Variants in ANKS1A observed in about 807,000 individuals in gnomAD.
The protein encoded by ANKS1A is ankyrin repeat and SAM domain-containing protein 1A.
A neutral mutation model predicts 120.3 loss-of-function variants in ANKS1A; 55 were observed. The observed-to-expected ratio is 0.46, with a 90% confidence interval of 0.37 to 0.57. The LOEUF is 0.57. Ranked by LOEUF, ANKS1A falls within the 20% of genes least tolerant of loss-of-function variation. The pLI, the probability that ANKS1A is intolerant of heterozygous loss-of-function variation, is 0.00. For missense variants in ANKS1A, 1,123 were observed against 1,480.3 expected, an observed-to-expected ratio of 0.76 and a Z score of 3.96; for synonymous variants, 590 against 604.7, an observed-to-expected ratio of 0.98 and a Z score of 0.36.
At chr6:35,023,737 T>C in intron 11 of ANKS1A, 1 of 350,768 alleles carries the variant, frequency 2.9e-6, no homozygotes, top group Non-Finnish European at 5.6e-6. Context: ...AAATTTCTTC[T>C]CCCAGAATAT....
chr6:34,930,392 A>G (rs969398054), intron 1 of ANKS1A, among the ~76,000 whole-genome samples: 8 of 152,194 alleles, frequency 5.3e-5, no homozygotes, highest in African/African-American at 1.2e-4. Flanking sequence ...CGGATTGTCT[A>G]TGTGGTGCTG....
chr6:34,955,348 G>T (rs182557089), intron 1 of ANKS1A, among the ~76,000 whole-genome samples: 138 of 152,152 alleles, frequency 9.1e-4, no homozygotes, highest in African/African-American at 3.2e-3. Flanking sequence ...TGTTGGCCAG[G>T]CTGGTCTCGA....
At chr6:34,975,764 T>C (rs569194792) in intron 3 of ANKS1A, among the ~76,000 whole-genome samples, 2 of 150,294 alleles carry the variant, frequency 1.3e-5, no homozygotes, top group Non-Finnish European at 3.0e-5. Flanking sequence ...AAAAAAAAAA[T>C]AATAATAATA....
At position 35,090,318 on chromosome 6, in the gene ANKS1A, G is replaced by C; in HGVS notation, c.*1709G>C. The C allele has an allele frequency of 7.8e-7, 1 of 1,288,496 alleles. No homozygotes were observed. Among genetic ancestry groups the C allele is most frequent in the Non-Finnish European group, 1.0e-6 (1 of 988,034 alleles). The allele number at this position is 1,288,496 out of a possible 1,614,324, so 79.8% of individuals were successfully genotyped here. ...GACCAGGAACCCTAAAGCATCCAGA[G>C]TAGACTGCGCTGCCACTGCGCACAT... On this transcript the variant is annotated 3_prime_UTR_variant, in exon 24 of 24. Coordinates refer to ENST00000360359, the MANE Select transcript of ANKS1A (RefSeq NM_015245.3).
At chr6:34,984,144 G>C (rs1328580941) in intron 7 of ANKS1A, among the ~76,000 whole-genome samples, 1 of 152,098 alleles carries the variant, frequency 6.6e-6, no homozygotes. Context: ...GGCAAATTTT[G>C]ATAATATATC....
At chr6:34,920,076 GTTTTTGT>G (rs1409358227) in intron 1 of ANKS1A, among the ~76,000 whole-genome samples, 1 of 152,034 alleles carries the variant, frequency 6.6e-6, no homozygotes, top group Non-Finnish European at 1.5e-5. Flanking sequence ...GTTGTTGTTA[GTTTTTGT>G]TTTTTAAGAG....
chr6:35,004,554 A>G (rs868240008), intron 10 of ANKS1A, among the ~76,000 whole-genome samples: 1 of 152,176 alleles, frequency 6.6e-6, no homozygotes, highest in Non-Finnish European at 1.5e-5. Context: ...CAATACAGAA[A>G]TGAATATAAA....
At chr6:34,935,062 C>T (rs1455541443) in intron 1 of ANKS1A, among the ~76,000 whole-genome samples, 1 of 152,146 alleles carries the variant, frequency 6.6e-6, no homozygotes, top group Non-Finnish European at 1.5e-5. Context: ...ACTCTGTTTT[C>T]ATTCTTCTGG....
chr6:35,085,921 C>T lies in ANKS1A; in HGVS notation c.3288C>T (p.Gly1096=), dbSNP rs1222865447. The change falls in exon 22 of 24, where the codon GGC becomes GGT. Residue 1096 remains glycine (G), a synonymous_variant. Transcript: ENST00000360359. This position sits in a 1 kb window ranked among gnomAD's most constrained non-coding sequence, Gnocchi z 4.7. ...SSKPVPKPRV[G]VRKSALEPPD... ...AACCGGTGCCTAAGCCTCGGGTCGGCGTGAGGAAATCCGCAGTACGTGGGC... is the reference window on the plus strand; with the variant it reads ...AACCGGTGCCTAAGCCTCGGGTCGGTGTGAGGAAATCCGCAGTACGTGGGC... The T allele has an allele frequency of 5.0e-6, 8 of 1,607,612 alleles. No individual in the cohort carries two copies. Among genetic ancestry groups the T allele is most frequent in the South Asian group, 1.1e-5 (1 of 90,364 alleles).
At chr6:34,895,904 C>G in intron 1 of ANKS1A, among the ~76,000 whole-genome samples, 1 of 148,526 alleles carries the variant, frequency 6.7e-6, no homozygotes, top group Non-Finnish European at 1.5e-5. Flanking sequence ...ATTCTCCTGT[C>G]TCAGCCTCCC....
At chr6:34,901,050 G>A (rs184392887) in intron 1 of ANKS1A, among the ~76,000 whole-genome samples, 95 of 152,186 alleles carry the variant, frequency 6.2e-4, no homozygotes, top group Middle Eastern at 3.4e-3. Context: ...AATTTAAGTG[G>A]TCCCTGTGCC....
intron 9 of ANKS1A, among the ~76,000 whole-genome samples, chr6:34,990,434 C>T (rs564641802): frequency 4.0e-5 from 6 of 151,540 alleles, no homozygotes; most frequent in South Asian, 4.2e-4. Context: ...TCCAAGTGTA[C>T]GCAGTAAATC....
At position 35,089,013 on chromosome 6, in the gene ANKS1A, C is replaced by T. The variant is rs957288674; in HGVS notation, c.*404C>T. 1.8e-6 allele frequency: 2 copies of T among 1,142,570 alleles called. No homozygotes were observed. The highest frequency in any genetic ancestry group is 3.2e-5 in the African/African-American group (2 of 63,036). 70.8% of individuals were successfully genotyped at this position (1,142,570 alleles called of 1,614,324 possible). ...GAGCTGAGGTTGGTTCAGAGGCCAG[C>T]CTGCATAGCCTCTGTCCTCAGGACG... is the stretch of plus-strand genomic sequence containing the variant. On this transcript the variant is annotated 3_prime_UTR_variant, in exon 24 of 24. Coordinates refer to ENST00000360359, the MANE Select transcript of ANKS1A (RefSeq NM_015245.3).
intron 13 of ANKS1A, chr6:35,071,098 A>G (rs1777064748): frequency 3.0e-6 from 1 of 333,516 alleles, no homozygotes; most frequent in South Asian, 3.3e-5. Context: ...AACTCTTTCA[A>G]CTAGTTGCCA....
intron 8 of ANKS1A, among the ~76,000 whole-genome samples, chr6:34,985,575 G>A (rs1412714023): frequency 6.6e-6 from 1 of 152,110 alleles, no homozygotes; most frequent in Non-Finnish European, 1.5e-5. Flanking sequence ...TTTCTATTTA[G>A]CCTTAGTGTT....
chr6:35,089,299 A>C lies in ANKS1A; in HGVS notation c.*690A>C. ...TCTGGGGTTCCCGATGGGAAGGTTC[A>C]GTGGCCAAATGAAGATAAGTGTGCA... On this transcript the variant is annotated 3_prime_UTR_variant, in exon 24 of 24. Coordinates refer to ENST00000360359, the MANE Select transcript of ANKS1A (RefSeq NM_015245.3). The C allele has an allele frequency of 1.0e-6, 1 of 987,882 alleles. No individual in the cohort carries two copies. The highest frequency in any genetic ancestry group is 1.2e-6 in the Non-Finnish European group (1 of 831,386). The allele number at this position is 987,882 out of a possible 1,614,324, so 61.2% of individuals were successfully genotyped here.
At chr6:34,911,862 G>A (rs1767921781) in intron 1 of ANKS1A, among the ~76,000 whole-genome samples, 1 of 152,078 alleles carries the variant, frequency 6.6e-6, no homozygotes, top group African/African-American at 2.4e-5. Flanking sequence ...TACCCCTTGG[G>A]TCATATATAA....
rs1775899050 is a variant in ANKS1A, at chr6:35,050,076, GCC to G, written c.2011-4022_2011-4021del. Among the ~76,000 whole-genome samples the G allele has an allele frequency of 1.3e-5, 2 of 152,226 alleles. No individual in the cohort carries two copies. Among genetic ancestry groups the G allele is most frequent in the Admixed American group, 1.3e-4 (2 of 15,282 alleles). The stretch of plus-strand genomic sequence containing the variant: ...ACCTCCCATCCCCACCCCGTGGGCA[GCC>G]AGAATCCTGCGGTCTAAACAAGCAG... On this transcript the variant is annotated intron_variant, in intron 11 of 23. Coordinates refer to ENST00000360359, the MANE Select transcript of ANKS1A (RefSeq NM_015245.3). This position sits in a 1 kb window ranked among gnomAD's most constrained non-coding sequence, Gnocchi z 4.3.
chr6:35,028,285 G>A (rs1308424630), intron 11 of ANKS1A, among the ~76,000 whole-genome samples: 1 of 152,204 alleles, frequency 6.6e-6, no homozygotes, highest in Non-Finnish European at 1.5e-5. Context: ...ACAGTGAAGA[G>A]TGCCGTGGAA....
Sources: allele counts gnomAD v4.1 joint callset (sites outside exome capture counted in the v4.1 genomes callset), GRCh38; gene constraint gnomAD v4.1.1; non-coding constraint Gnocchi (gnomAD v3.1); transcripts MANE v1.5; gene names NCBI Gene and HGNC (gene_info 2026-07-23, HGNC 2026-07-21).